The following SYTL5 variants were observed in gnomAD, a reference collection of about 807,000 sequenced individuals.
SYTL5 encodes the protein synaptotagmin-like protein 5.
SYTL5 carries 34 observed loss-of-function variants against 55.9 expected under a neutral mutation model. That is an observed-to-expected ratio of 0.61 (90% CI 0.46 to 0.81). SYTL5 has a LOEUF of 0.81. SYTL5 is among the 30% of genes least tolerant of loss of function. The pLI, the probability that SYTL5 is intolerant of heterozygous loss-of-function variation, is 0.00. For missense variants in SYTL5, 637 were observed against 546.7 expected (o/e 1.17, Z -1.65); for synonymous variants, 221 against 188.7 (o/e 1.17, Z -1.40).
chrX:37,905,919 C>T, the SYTL5 span, among the ~76,000 whole-genome samples: 5 of 112,986 alleles, frequency 4.4e-5, no homozygotes, highest in Non-Finnish European at 7.5e-5. Flanking sequence ...CTGGAGACCG[C>T]GTCTCTCGAG....
chrX:37,969,458 C>T, the SYTL5 span, among the ~76,000 whole-genome samples: 1 of 111,779 alleles, frequency 8.9e-6, no homozygotes, highest in African/African-American at 3.3e-5. Context: ...AGTGAAACAT[C>T]ACTTCCACAT....
the SYTL5 span, among the ~76,000 whole-genome samples, chrX:37,958,533 C>T: frequency 1.8e-5 from 2 of 111,482 alleles, no homozygotes; most frequent in African/African-American, 3.3e-5. Flanking sequence ...AACACACACA[C>T]GACATTTAGG....
chrX:38,082,470 C>A (rs940956542), intron 6 of SYTL5, among the ~76,000 whole-genome samples: 3 of 112,116 alleles, frequency 2.7e-5, no homozygotes, highest in Non-Finnish European at 1.9e-5. Flanking sequence ...ATTCAACACA[C>A]AGCTCTGTTA....
chrX:38,053,463 T>C (rs1206604582), intron 2 of SYTL5, among the ~76,000 whole-genome samples: 1 of 112,268 alleles, frequency 8.9e-6, no homozygotes, highest in Admixed American at 9.4e-5. Context: ...TTATTCATGA[T>C]GGAACCTGGA....
chrX:38,006,521 T>C (rs1321549157), upstream of SYTL5: 1 of 111,743 alleles, frequency 8.9e-6, no homozygotes, highest in Admixed American at 9.5e-5. Context: ...GTGTGTTCAA[T>C]GTGTAAATAG....
At chrX:38,100,335 A>G (rs929607224) in intron 9 of SYTL5, among the ~76,000 whole-genome samples, 5 of 111,249 alleles carry the variant, frequency 4.5e-5, no homozygotes, top group African/African-American at 1.6e-4. Flanking sequence ...AAAATGACAT[A>G]TAACAAAACC....
At chrX:37,951,525 A>C in the SYTL5 span, among the ~76,000 whole-genome samples, 1 of 111,408 alleles carries the variant, frequency 9.0e-6, no homozygotes, top group South Asian at 3.8e-4. Context: ...TCAAAAAGAC[A>C]GTAGGAGAGA....
chrX:38,062,544 G>C (rs770462691), intron 3 of SYTL5, among the ~76,000 whole-genome samples: 1 of 111,401 alleles, frequency 9.0e-6, no homozygotes, highest in Non-Finnish European at 1.9e-5. Flanking sequence ...TGCAGAAGAC[G>C]ATGTATACAC....
intron 2 of SYTL5, among the ~76,000 whole-genome samples, chrX:38,049,474 A>G (rs79082530): frequency 0.099 from 10,905 of 110,547 alleles, 875 homozygotes; most frequent in Admixed American, 0.23. Context: ...TGGACTCCCT[A>G]TCTTTTGTTG....
Position 38,080,005 on chromosome X carries a change from T to C in SYTL5, c.689+3304T>C, listed in dbSNP as rs1602375862. Among the ~76,000 whole-genome samples the C allele has an allele frequency of 2.7e-5, 3 of 112,016 alleles. No individual in the cohort carries two copies. The South Asian group carries it at 1.1e-3, about 42-fold the overall frequency. Reference sequence around the variant, plus strand: ...TATACTTAAAATTAATTTTTTTATCTGAAATTCAAGTTTAACTGCGAGTTC... The same window carrying C: ...TATACTTAAAATTAATTTTTTTATCCGAAATTCAAGTTTAACTGCGAGTTC... On this transcript the variant is annotated intron_variant, in intron 6 of 16. Transcript: ENST00000297875.
At chrX:37,897,418 G>A in the SYTL5 span, among the ~76,000 whole-genome samples, 9 of 107,426 alleles carry the variant, frequency 8.4e-5, no homozygotes, top group Non-Finnish European at 1.5e-4. Context: ...GGGAAGCAGA[G>A]GTTGCAGTGA....
At chrX:37,901,682 C>A in the SYTL5 span, among the ~76,000 whole-genome samples, 1 of 111,926 alleles carries the variant, frequency 8.9e-6, no homozygotes, top group East Asian at 2.8e-4. Context: ...CACAAAGGCC[C>A]ACATATTTTA....
At chrX:38,073,032 G>C (rs1245242423) in intron 4 of SYTL5, among the ~76,000 whole-genome samples, 1 of 111,510 alleles carries the variant, frequency 9.0e-6, no homozygotes, top group Non-Finnish European at 1.9e-5. Flanking sequence ...GCAAGGAAAG[G>C]CTTTTCCACA....
In SYTL5 at chrX:38,030,449, G is replaced by T. The variant is rs60226150; in HGVS notation, c.-356-3085G>T. 2.9e-3 allele frequency among the ~76,000 whole-genome samples: 324 copies of T among 111,692 alleles called. 7 individuals are homozygous for T. In the East Asian group the frequency reaches 0.085, roughly 29 times the overall value. On this transcript the variant is annotated intron_variant, in intron 1 of 16. Coordinates refer to ENST00000297875, the MANE Select transcript of SYTL5 (RefSeq NM_138780.3). ...TCATGCTGTTAGAGCTTGAATATCC[G>T]CTTTAAATAAGCTAAATTTTAACCA...
rs888561363 is a variant in SYTL5 at position 38,108,704 on chromosome X, A to G, written c.1434+5A>G. 4 of 1,133,104 alleles carry G rather than the reference A, an allele frequency of 3.5e-6. No homozygotes were observed. The highest frequency in any genetic ancestry group is 3.6e-6 in the Non-Finnish European group (3 of 832,309). The allele number at this position is 1,133,104 out of a possible 1,213,427, so 93.4% of individuals were successfully genotyped here. ...GAATTCAATGAAACACTAAAGGTAA[A>G]TAAATACGGTCTCATAGTAACTCAT... On this transcript the variant is annotated splice_donor_5th_base_variant and intron_variant, in intron 12 of 16. Coordinates refer to ENST00000297875, the MANE Select transcript of SYTL5 (RefSeq NM_138780.3).
At chrX:38,025,610 T>C (rs1188718997) in intron 1 of SYTL5, among the ~76,000 whole-genome samples, 2 of 112,309 alleles carry the variant, frequency 1.8e-5, no homozygotes, top group Non-Finnish European at 3.8e-5. Context: ...TCTACATCTA[T>C]ATTTAAAGAG....
the SYTL5 span, among the ~76,000 whole-genome samples, chrX:37,959,451 T>C: frequency 8.9e-6 from 1 of 111,755 alleles, no homozygotes; most frequent in Non-Finnish European, 1.9e-5. Context: ...AGAGTAGTTC[T>C]ACTAATGATT....
At chrX:38,055,417 C>G (rs1016730012) in intron 3 of SYTL5, among the ~76,000 whole-genome samples, 1 of 111,360 alleles carries the variant, frequency 9.0e-6, no homozygotes, top group African/African-American at 3.3e-5. Context: ...TCTACTGCTC[C>G]CCTCCTTTTG....
chrX:38,089,854 C>A (rs1458282225), intron 7 of SYTL5, among the ~76,000 whole-genome samples: 2 of 111,534 alleles, frequency 1.8e-5, no homozygotes, highest in East Asian at 5.6e-4. Flanking sequence ...CCACCAGGTC[C>A]CTCCCTCAAC....
Sources: gnomAD v4.1 joint callset for allele counts (sites outside exome capture counted in the v4.1 genomes callset) on GRCh38, gnomAD v4.1.1 for gene constraint, MANE v1.5 for transcripts, NCBI Gene and HGNC (gene_info 2026-07-23, HGNC 2026-07-21) for gene names.